DMXL2: variants seen among roughly 807,000 people sequenced by gnomAD.
The protein encoded by DMXL2 is Dmx like 2.
Under a neutral mutation model 331.1 loss-of-function variants are expected in DMXL2, and 103 were observed. That is an observed-to-expected ratio of 0.31 (90% CI 0.27 to 0.37). DMXL2 has a LOEUF of 0.37. Among genes scored for constraint, DMXL2 ranks in the 10% least tolerant of loss-of-function variants. DMXL2 has a pLI of 1.00. For missense variants in DMXL2, 3,171 were observed against 3,642.9 expected (o/e 0.87, Z 3.33); for synonymous variants, 1,281 against 1,252.1 (o/e 1.02, Z -0.49).
At chr15:51,551,638 T>C (rs533529063) in intron 6 of DMXL2, among the ~76,000 whole-genome samples, 6 of 148,922 alleles carry the variant, frequency 4.0e-5, no homozygotes, top group Non-Finnish European at 5.9e-5. Flanking sequence ...AACGTACTAA[T>C]AGATAATGAT....
intron 19 of DMXL2, among the ~76,000 whole-genome samples, chr15:51,493,451 A>G (rs2042945816): frequency 6.6e-6 from 1 of 152,174 alleles, no homozygotes; most frequent in Admixed American, 6.5e-5. Flanking sequence ...AGAGGTGAAA[A>G]AAGTTATTAG....
rs745442777 is a variant in DMXL2 at position 51,451,672 on chromosome 15, T to C, written c.8722A>G (p.Ile2908Val). The change falls in exon 42 of 44, where the codon ATA becomes GTA. Residue 2908 changes from isoleucine to valine, a missense_variant. Transcript: ENST00000560891. ...TGAATGAGGCTGTTTCCGGGTGATA[T>C]TAATGTGTCCCAGAGGCAAACATTT... ...NRNVCLWDTL[I>V]SPGNSLIHGF... 6 of 1,613,014 alleles carry C rather than the reference T, an allele frequency of 3.7e-6. No individual in the cohort carries two copies. The highest frequency in any genetic ancestry group is 5.1e-6 in the Non-Finnish European group (6 of 1,179,458).
At chr15:51,474,135 A>C (rs184466454) in intron 28 of DMXL2, among the ~76,000 whole-genome samples, 3 of 152,062 alleles carry the variant, frequency 2.0e-5, no homozygotes, top group Non-Finnish European at 4.4e-5. Context: ...CTGCTTTATC[A>C]ACCTCAAAAA....
intron 40 of DMXL2, among the ~76,000 whole-genome samples, chr15:51,454,298 AGTT>A (rs2039421840): frequency 6.6e-6 from 1 of 152,122 alleles, no homozygotes; most frequent in African/African-American, 2.4e-5. Context: ...TGAAGCCTGA[AGTT>A]TCACACAGGA....
intron 20 of DMXL2, 53 bp downstream of exon 20, chr15:51,491,525 C>T (rs528991922): frequency 2.0e-4 from 298 of 1,513,468 alleles, no homozygotes; most frequent in Non-Finnish European, 2.4e-4. Flanking sequence ...ATCTTTTTTT[C>T]GTTAGGAAAA....
At position 51,605,698 on chromosome 15, in the gene DMXL2, C is replaced by T. The variant is rs1236883600; in HGVS notation, c.87+16761G>A. On this transcript the variant is annotated intron_variant, in intron 1 of 43. Coordinates refer to ENST00000560891, the MANE Select transcript of DMXL2 (RefSeq NM_001378457.1). ...AGCTGGGACTACAGGCGCCCGCCAC[C>T]GCGCCCGGCTAATATTTTGTATTTT... is the stretch of plus-strand genomic sequence containing the variant. Among the ~76,000 whole-genome samples the T allele has an allele frequency of 8.0e-5, 8 of 100,178 alleles. 3 individuals carry two copies. Among genetic ancestry groups the T allele is most frequent in the Non-Finnish European group, 1.8e-4 (8 of 44,202 alleles). 65.7% of individuals were successfully genotyped at this position (100,178 alleles called of 152,430 possible). A position where few individuals can be genotyped will look rare whatever the true frequency, so the allele number is the denominator to read the frequency against.
At chr15:51,466,378 T>C (rs2040574901) in intron 29 of DMXL2, 67 bp from the exon 30 acceptor site, 1 of 539,774 alleles carries the variant, frequency 1.9e-6, no homozygotes, top group East Asian at 6.1e-5. Context: ...ATATATTTTA[T>C]ATAACATGTA....
chr15:51,486,377 AATT>A, intron 22 of DMXL2, 40 bp from the exon 23 acceptor site: 1 of 1,402,552 alleles, frequency 7.1e-7, no homozygotes, highest in Non-Finnish European at 9.8e-7. Context: ...ACTTAATGAT[AATT>A]ATTTAGAGAG....
intron 1 of DMXL2, among the ~76,000 whole-genome samples, chr15:51,611,367 T>C (rs192477607): frequency 6.4e-4 from 98 of 152,230 alleles, no homozygotes; most frequent in African/African-American, 2.3e-3. Context: ...CAAAATAGAA[T>C]AAATTATTAG....
At chr15:51,527,246 G>A (rs1373607465) in intron 13 of DMXL2, among the ~76,000 whole-genome samples, 5 of 151,864 alleles carry the variant, frequency 3.3e-5, no homozygotes, top group South Asian at 4.2e-4. Context: ...CATATTTGAA[G>A]TGCTGAAAAG....
At position 51,535,742 on chromosome 15, in the gene DMXL2, T is replaced by C; in HGVS notation, c.2357A>G (p.Asp786Gly). The change falls in exon 13 of 44, where the codon GAT becomes GGT. Residue 786 changes from aspartate to glycine, a missense_variant. By Grantham distance (94) the Asp-to-Gly change is moderately conservative (BLOSUM62 -1). Coordinates refer to ENST00000560891, the MANE Select transcript of DMXL2 (RefSeq NM_001378457.1). ...NSASACFVAS[D>G]GKNLRLYQAV... is the part of the protein sequence containing the mutation. ...TTGATAGAGTCTCAGATTTTTGCCA[T>C]CAGAAGCAACAAAGCAAGCACTTGC... 1 of 1,609,882 alleles carries C rather than the reference T, an allele frequency of 6.2e-7. No homozygotes were observed. Among genetic ancestry groups the C allele is most frequent in the East Asian group, 2.2e-5 (1 of 44,536 alleles).
intron 19 of DMXL2, among the ~76,000 whole-genome samples, chr15:51,494,337 T>C (rs890590707): frequency 6.6e-6 from 1 of 152,168 alleles, no homozygotes; most frequent in African/African-American, 2.4e-5. Flanking sequence ...GGTTCTATAA[T>C]ACTAAGACGT....
intron 6 of DMXL2, among the ~76,000 whole-genome samples, chr15:51,552,462 T>C (rs1356556723): frequency 1.3e-5 from 2 of 152,208 alleles, no homozygotes; most frequent in Non-Finnish European, 2.9e-5. Context: ...AACTTTATGA[T>C]TCCACAAAAG....
At chr15:51,528,381 A>C (rs2047801492) in intron 13 of DMXL2, among the ~76,000 whole-genome samples, 1 of 152,192 alleles carries the variant, frequency 6.6e-6, no homozygotes, top group African/African-American at 2.4e-5. Context: ...GAGGTGGGAA[A>C]AGATATTCCA....
intron 28 of DMXL2, 48 bp from the exon 29 acceptor site, chr15:51,471,449 G>A (rs1411542345): frequency 2.0e-6 from 3 of 1,519,134 alleles, no homozygotes; most frequent in Non-Finnish European, 1.8e-6. Context: ...ATTTTCCATT[G>A]TTAATTGATA....
At chr15:51,540,625 A>G (rs554378570) in intron 9 of DMXL2, among the ~76,000 whole-genome samples, 1 of 152,136 alleles carries the variant, frequency 6.6e-6, no homozygotes, top group Non-Finnish European at 1.5e-5. Flanking sequence ...ACTTTCTTGT[A>G]GTTTCAAAAA....
rs755991566 is a variant in DMXL2 at position 51,499,400 on chromosome 15, T to C, written c.3824A>G (p.Lys1275Arg). The C allele has an allele frequency of 6.8e-6, 11 of 1,613,842 alleles. No individual in the cohort carries two copies. Among genetic ancestry groups the C allele is most frequent in the Admixed American group, 3.3e-5 (2 of 60,000 alleles). Residue 1275 changes from lysine (K) to arginine (R), a missense_variant, in exon 18 of 44, where the codon AAG becomes AGG. Physicochemically the swap from Lys to Arg is conservative, Grantham distance 26 (BLOSUM62 2). Transcript: ENST00000560891. ...AGTGTCTCCAAATTTGACAGCATGC[T>C]TCCACTGTGCATATACATGCATTTC... ...DCEMHVYAQW[K>R]HAVKFGDTEA...
intron 20 of DMXL2, among the ~76,000 whole-genome samples, chr15:51,490,312 A>C (rs1183229494): frequency 6.6e-6 from 1 of 152,220 alleles, no homozygotes; most frequent in Non-Finnish European, 1.5e-5. Context: ...CTACCAAATT[A>C]AAATCTCTGG....
chr15:51,519,674 C>G (rs2047241016), intron 13 of DMXL2, among the ~76,000 whole-genome samples: 1 of 125,450 alleles, frequency 8.0e-6, no homozygotes, highest in Admixed American at 8.7e-5. Flanking sequence ...TGGAGTTTCA[C>G]TCTTGCTGCC....
Sources: allele counts gnomAD v4.1 joint callset (sites outside exome capture counted in the v4.1 genomes callset), GRCh38; gene constraint gnomAD v4.1.1; transcripts MANE v1.5; gene names NCBI Gene and HGNC (gene_info 2026-07-23, HGNC 2026-07-21).